The following LAMA2 variants were observed in gnomAD, a reference collection of about 807,000 sequenced individuals.
The protein encoded by LAMA2 is laminin subunit alpha 2.
A neutral mutation model predicts 364.8 loss-of-function variants in LAMA2; 269 were observed. The ratio of observed to expected loss-of-function variants is 0.74; its 90% CI spans 0.67 to 0.82. The LOEUF (loss-of-function observed/expected upper bound fraction) is 0.82. Ranked by LOEUF, LAMA2 falls within the 40% of genes least tolerant of loss-of-function variation. The pLI, the probability that LAMA2 is intolerant of heterozygous loss-of-function variation, is 0.00. For missense variants in LAMA2, 3,807 were observed against 3,873.2 expected (o/e 0.98, Z 0.45); for synonymous variants, 1,379 against 1,370.6 (o/e 1.01, Z -0.14).
intron 4 of LAMA2, among the ~76,000 whole-genome samples, chr6:129,105,171 A>G (rs1775746322): frequency 6.6e-6 from 1 of 152,174 alleles, no homozygotes; most frequent in South Asian, 2.1e-4. Flanking sequence ...GTTGCAGGGT[A>G]TGAAGCAACA....
At chr6:128,930,777 T>C (rs1484437310) in intron 1 of LAMA2, among the ~76,000 whole-genome samples, 1 of 152,236 alleles carries the variant, frequency 6.6e-6, no homozygotes, top group Non-Finnish European at 1.5e-5. Flanking sequence ...AGAACTCTAA[T>C]TATATAAATT....
At chr6:129,241,313 A>G (rs570349669) in intron 12 of LAMA2, among the ~76,000 whole-genome samples, 3 of 152,312 alleles carry the variant, frequency 2.0e-5, no homozygotes, top group South Asian at 2.1e-4. Context: ...GGCCATCACT[A>G]TGATCTCTCC....
At chr6:129,219,208 C>CA (rs1302114444) in intron 12 of LAMA2, among the ~76,000 whole-genome samples, 1 of 151,850 alleles carries the variant, frequency 6.6e-6, no homozygotes, top group Non-Finnish European at 1.5e-5. Flanking sequence ...TTTATGCAGC[C>CA]AAAAAACACA....
At position 129,402,320 on chromosome 6, in the gene LAMA2, T is replaced by C. The variant is rs1780025563; in HGVS notation, c.5563-4T>C. 1.2e-6 allele frequency: 2 copies of C among 1,610,852 alleles called. No homozygotes were observed. Among genetic ancestry groups the C allele is most frequent in the Non-Finnish European group, 8.5e-7 (1 of 1,177,556 alleles). ...CTTAAAATGCCCTCTTCTCTACATA[T>C]CAGTATGTTGAAGACATCCAAACTA... On this transcript the variant is annotated splice_region_variant and splice_polypyrimidine_tract_variant and intron_variant, in intron 38 of 64. Transcript: ENST00000421865.
intron 1 of LAMA2, among the ~76,000 whole-genome samples, chr6:128,931,415 G>T (rs2114516258): frequency 1.3e-5 from 2 of 151,614 alleles, no homozygotes; most frequent in South Asian, 4.2e-4. Context: ...TTGAATATCT[G>T]AATGAATGAA....
At chr6:129,086,173 G>A (rs982782357) in intron 3 of LAMA2, among the ~76,000 whole-genome samples, 2 of 152,188 alleles carry the variant, frequency 1.3e-5, no homozygotes, top group Admixed American at 1.3e-4. Context: ...ATTTAAGATT[G>A]TCATTTTGGT....
chr6:129,261,513 G>A (rs1232519307), intron 15 of LAMA2, among the ~76,000 whole-genome samples: 2 of 152,022 alleles, frequency 1.3e-5, no homozygotes, highest in South Asian at 2.1e-4. Flanking sequence ...TGTGAAACTG[G>A]TTTTACTTGA....
chr6:129,084,395 A>G (rs1196144866), intron 3 of LAMA2, among the ~76,000 whole-genome samples: 1 of 149,946 alleles, frequency 6.7e-6, no homozygotes, highest in African/African-American at 2.5e-5. Context: ...AGTCTGGTAT[A>G]TTGTGTACTT....
At chr6:129,204,267 G>A (rs1450023882) in intron 12 of LAMA2, among the ~76,000 whole-genome samples, 1 of 152,104 alleles carries the variant, frequency 6.6e-6, no homozygotes, top group Non-Finnish European at 1.5e-5. Context: ...AACATGCATC[G>A]CTTCATGTCT....
intron 34 of LAMA2, among the ~76,000 whole-genome samples, chr6:129,381,137 A>G (rs1778660294): frequency 6.6e-6 from 1 of 152,224 alleles, no homozygotes; most frequent in Non-Finnish European, 1.5e-5. Flanking sequence ...ATTATAATGT[A>G]CATTTTCTGT....
chr6:129,358,997 CTA>C, intron 32 of LAMA2, among the ~76,000 whole-genome samples: 1 of 152,014 alleles, frequency 6.6e-6, no homozygotes, highest in South Asian at 2.1e-4. Context: ...CTGGTTGTGA[CTA>C]TTTTTCTCAT....
At chr6:129,170,919 C>A (rs1209599154) in intron 9 of LAMA2, among the ~76,000 whole-genome samples, 2 of 150,602 alleles carry the variant, frequency 1.3e-5, no homozygotes, top group African/African-American at 4.9e-5. Flanking sequence ...ATCCCTTTAC[C>A]ATTATGTAAT....
chr6:129,262,522 A>G (rs1272329075), intron 15 of LAMA2, among the ~76,000 whole-genome samples: 1 of 152,178 alleles, frequency 6.6e-6, no homozygotes, highest in Non-Finnish European at 1.5e-5. Context: ...AGCTTCCTGT[A>G]TCTGTCACAC....
chr6:129,461,238 A>T (rs1287704174), intron 49 of LAMA2, among the ~76,000 whole-genome samples: 2 of 152,164 alleles, frequency 1.3e-5, no homozygotes, highest in East Asian at 3.9e-4. Context: ...TTTAAAGGAT[A>T]TACATACGTT....
At position 129,263,911 on chromosome 6, in the gene LAMA2, T is replaced by G. The variant is rs115220128; in HGVS notation, c.2208+3089T>G. On this transcript the variant is annotated intron_variant, in intron 15 of 64. Coordinates refer to ENST00000421865, the MANE Select transcript of LAMA2 (RefSeq NM_000426.4). ...TATACCACCATGCCCAGCTATTTTTTTTTGTTTGTTTTAATAGAGACAAGA... is the reference window on the plus strand; with the variant it reads ...TATACCACCATGCCCAGCTATTTTTGTTTGTTTGTTTTAATAGAGACAAGA... 6.7e-3 allele frequency among the ~76,000 whole-genome samples: 1,021 copies of G among 152,084 alleles called. 8 individuals are homozygous for G. Among genetic ancestry groups the G allele is most frequent in the African/African-American group, 0.023 (974 of 41,492 alleles).
rs139184458 is a variant in LAMA2, at chr6:129,467,928, A to T, written c.7300+2639A>T. Among the ~76,000 whole-genome samples, 4 of 151,884 alleles carry T rather than the reference A, an allele frequency of 2.6e-5. No homozygotes were observed. In the East Asian group the frequency reaches 7.8e-4, roughly 30 times the overall value. On this transcript the variant is annotated intron_variant, in intron 51 of 64. Transcript: ENST00000421865. ...AGAGCTACTAACTGTTACTGTTACT[A>T]CTCTGTGGTCCAGAAATCAGAAAGA... is the stretch of plus-strand genomic sequence containing the variant.
chr6:129,342,557 G>GT lies in LAMA2; in HGVS notation c.4436+91dup, dbSNP rs1224204049. The stretch of plus-strand genomic sequence containing the variant: ...TCTATGATTTGGCTATTTTTTCCAT[G>GT]TAGACAAAAATCTCAATTTAAGATA... On this transcript the variant is annotated intron_variant, in intron 30 of 64. Transcript: ENST00000421865. 5.4e-6 allele frequency: 7 copies of GT among 1,302,044 alleles called. No homozygotes were observed. The African/African-American group carries it at 8.9e-5, about 17-fold the overall frequency. 80.7% of individuals were successfully genotyped at this position (1,302,044 alleles called of 1,614,324 possible). A position where few individuals can be genotyped will look rare whatever the true frequency, so the allele number is the denominator to read the frequency against.
chr6:129,388,006 C>T (rs1309047584), intron 35 of LAMA2, among the ~76,000 whole-genome samples: 1 of 152,068 alleles, frequency 6.6e-6, no homozygotes, highest in South Asian at 2.1e-4. Flanking sequence ...TCCTGTAATC[C>T]CAGTACTTTG....
At chr6:128,917,178 A>ATTT (rs1562827202) in intron 1 of LAMA2, among the ~76,000 whole-genome samples, 18 of 47,572 alleles carry the variant, frequency 3.8e-4, no homozygotes, top group African/African-American at 8.9e-4. Flanking sequence ...GCCTTTTTTA[A>ATTT]AAAAAAAAAA....
Sources: gnomAD v4.1 joint callset for allele counts (sites outside exome capture counted in the v4.1 genomes callset) on GRCh38, gnomAD v4.1.1 for gene constraint, MANE v1.5 for transcripts, NCBI Gene and HGNC (gene_info 2026-07-23, HGNC 2026-07-21) for gene names.